DNAJC10: variants seen among roughly 807,000 people sequenced by gnomAD.
DNAJC10 encodes endoplasmic reticulum disulfide reductase DNAJC10.
A neutral mutation model predicts 115.0 loss-of-function variants in DNAJC10; 101 were observed. The observed-to-expected ratio is 0.88, with a 90% CI of 0.75 to 1.04. The LOEUF (loss-of-function observed/expected upper bound fraction) is 1.04, where lower values mean the gene tolerates loss of function less well. DNAJC10 is among the 50% of genes least tolerant of loss of function. The probability of loss-of-function intolerance (pLI) is 0.00; values close to 1 mark genes in which losing one functional copy is unlikely to be tolerated. For missense variants in DNAJC10, 981 were observed against 928.8 expected, an observed-to-expected ratio of 1.06 and a Z score of -0.73; for synonymous variants, 307 against 301.5, an observed-to-expected ratio of 1.02 and a Z score of -0.19.
intron 18 of DNAJC10, among the ~76,000 whole-genome samples, chr2:182,756,877 A>T (rs1694170955): frequency 6.6e-6 from 1 of 152,068 alleles, no homozygotes; most frequent in African/African-American, 2.4e-5. Flanking sequence ...GGCCTCAAGT[A>T]ATCTGCCCAC....
At chr2:182,736,049 A>G (rs767550402) in intron 10 of DNAJC10, among the ~76,000 whole-genome samples, 200 bp from the exon 11 acceptor site, 2 of 149,000 alleles carry the variant, frequency 1.3e-5, no homozygotes, top group Admixed American at 6.7e-5. Flanking sequence ...ACTAAGTACA[A>G]TTTTTTGCAC....
At chr2:182,764,636 C>T (rs1238475597) in intron 22 of DNAJC10, among the ~76,000 whole-genome samples, 1 of 152,056 alleles carries the variant, frequency 6.6e-6, no homozygotes, top group African/African-American at 2.4e-5. Context: ...TGATTCTGCT[C>T]TATGTTAGGA....
intron 14 of DNAJC10, among the ~76,000 whole-genome samples, chr2:182,750,846 T>A (rs1693997733): frequency 6.6e-6 from 1 of 152,194 alleles, no homozygotes; most frequent in Non-Finnish European, 1.5e-5. Context: ...AGCTCCATTA[T>A]AATCTTATGG....
intron 22 of DNAJC10, among the ~76,000 whole-genome samples, chr2:182,765,542 C>G (rs1004905026): frequency 5.3e-5 from 8 of 152,164 alleles, no homozygotes; most frequent in African/African-American, 1.9e-4. Flanking sequence ...ACTTAAGAAA[C>G]CGATTCCATG....
chr2:182,754,665 T>G lies in DNAJC10; in HGVS notation c.1552-338T>G, dbSNP rs534737401. ...AAAAAAAAGACTCAAGCTAGAGATA[T>G]AGCCTGTTGTTTATAGCCTCTTCTT... On this transcript the variant is annotated intron_variant, in intron 16 of 23. Coordinates refer to ENST00000264065, the MANE Select transcript of DNAJC10 (RefSeq NM_018981.4). 142 of 647,108 alleles carry G rather than the reference T, an allele frequency of 2.2e-4. No homozygotes were observed. The African/African-American group carries it at 2.7e-3, about 12-fold the overall frequency. The allele number at this position is 647,108 out of a possible 1,614,324, so 40.1% of individuals were successfully genotyped here.
At chr2:182,732,302 G>A (rs1295265360) in intron 9 of DNAJC10, among the ~76,000 whole-genome samples, 197 bp from the exon 10 acceptor site, 1 of 147,958 alleles carries the variant, frequency 6.8e-6, no homozygotes, top group Non-Finnish European at 1.5e-5. Context: ...GAAAGAGGGA[G>A]CGAGGGAGTG....
Position 182,743,673 on chromosome 2 carries a change from T to C in DNAJC10, c.1267T>C (p.Phe423Leu), listed in dbSNP as rs1267995873. The change falls in exon 14 of 24, where the codon TTT becomes CTT. Residue 423 changes from phenylalanine to leucine, a missense_variant. Physicochemically the swap from Phe to Leu is conservative, Grantham distance 22 (BLOSUM62 0). Transcript: ENST00000264065. ...TGTTTTTCAGCCGTCTCTAGCAGTA[T>C]TTAAAGGACAAGGAACCAAAGAATA... Reference protein sequence around the residue: ...LYVFQPSLAVFKGQGTKEYEI... With the variant: ...LYVFQPSLAVLKGQGTKEYEI... 2 of 1,613,058 alleles carry C rather than the reference T, an allele frequency of 1.2e-6. No individual in the cohort carries two copies. Among genetic ancestry groups the C allele is most frequent in the East Asian group, 4.5e-5 (2 of 44,824 alleles).
chr2:182,760,504 C>T (rs549092725), intron 21 of DNAJC10, among the ~76,000 whole-genome samples: 6 of 152,254 alleles, frequency 3.9e-5, no homozygotes, highest in African/African-American at 1.4e-4. Flanking sequence ...TTCCTGAGGG[C>T]AAAGTCCATG....
intron 5 of DNAJC10, among the ~76,000 whole-genome samples, chr2:182,728,366 G>T (rs961418494): frequency 2.0e-5 from 3 of 152,000 alleles, no homozygotes; most frequent in Non-Finnish European, 4.4e-5. Flanking sequence ...TTTGACATTT[G>T]AAATGTTTCT....
In DNAJC10 at chr2:182,793,577, G is replaced by A. The variant is rs1469962463; in HGVS notation, c.*16445G>A. 6.6e-6 allele frequency: 1 copy of A among 152,038 alleles called. No individual in the cohort carries two copies. The highest frequency in any genetic ancestry group is 1.5e-5 in the Non-Finnish European group (1 of 68,020). 9.4% of individuals were successfully genotyped at this position (152,038 alleles called of 1,614,324 possible). On this transcript the variant is annotated 3_prime_UTR_variant, in exon 24 of 24. Coordinates refer to ENST00000264065, the MANE Select transcript of DNAJC10 (RefSeq NM_018981.4). Reference sequence around the variant, plus strand: ...GAAATAGCTTGATTGGTTACAGATAGGCATTTGCCTTATTTGGACATGGTC... The same window carrying A: ...GAAATAGCTTGATTGGTTACAGATAAGCATTTGCCTTATTTGGACATGGTC...
intron 5 of DNAJC10, among the ~76,000 whole-genome samples, chr2:182,725,795 T>C (rs1378359228): frequency 1.3e-5 from 2 of 152,172 alleles, no homozygotes; most frequent in Non-Finnish European, 2.9e-5. Context: ...GCTAAGATCA[T>C]TGATGAAGGT....
chr2:182,740,751 G>T (rs1285446147), intron 12 of DNAJC10, among the ~76,000 whole-genome samples: 5 of 152,130 alleles, frequency 3.3e-5, no homozygotes, highest in Non-Finnish European at 7.4e-5. Flanking sequence ...TGGATAGAAT[G>T]CTGAGAAATA....
intron 9 of DNAJC10, 39 bp from the exon 10 acceptor site, chr2:182,732,460 T>TA (rs779279502): frequency 1.8e-5 from 29 of 1,608,486 alleles, no homozygotes; most frequent in Non-Finnish European, 2.2e-5. Context: ...TCAGGCTTAA[T>TA]AAAGGTAAAA....
intron 22 of DNAJC10, among the ~76,000 whole-genome samples, chr2:182,774,749 C>T (rs1330171463): frequency 2.6e-5 from 4 of 152,218 alleles, no homozygotes; most frequent in Non-Finnish European, 4.4e-5. Flanking sequence ...TTCAGGTAGT[C>T]TGTCACGGTT....
In DNAJC10 at chr2:182,718,083, G is replaced by T; in HGVS notation, c.-4G>T. The T allele has an allele frequency of 1.3e-6, 2 of 1,585,678 alleles. No individual in the cohort carries two copies. Among genetic ancestry groups the T allele is most frequent in the Admixed American group, 1.8e-5 (1 of 56,368 alleles). On this transcript the variant is annotated 5_prime_UTR_variant, in exon 3 of 24. Transcript: ENST00000264065. Reference sequence around the variant, plus strand: ...CTTAAATCAGAACTTGCATAAGAAAGAGAATGGGAGTCTGGTTAAATAAAG... The same window carrying T: ...CTTAAATCAGAACTTGCATAAGAAATAGAATGGGAGTCTGGTTAAATAAAG...
intron 14 of DNAJC10, among the ~76,000 whole-genome samples, chr2:182,748,391 A>G (rs1274116457): frequency 6.6e-6 from 1 of 152,184 alleles, no homozygotes; most frequent in Admixed American, 6.5e-5. Context: ...GCTATTGATT[A>G]TTGCCACAAT....
rs191829754 is a variant in DNAJC10, at chr2:182,729,939, C to G, written c.725C>G (p.Thr242Arg). Reference protein sequence around the residue: ...HVRSTVTELWTGNFVNSIQTA... With the variant: ...HVRSTVTELWRGNFVNSIQTA... ...AGAAGTACAGTGACAGAACTTTGGA[C>G]AGGTAATTTTATTTTCTTAATTTGC... Residue 242 changes from threonine (T) to arginine (R), a missense_variant and splice_region_variant, in exon 8 of 24, where the codon ACA becomes AGA. Physicochemically the swap from Thr to Arg is moderately conservative, Grantham distance 71. Coordinates refer to ENST00000264065, the MANE Select transcript of DNAJC10 (RefSeq NM_018981.4). The G allele has an allele frequency of 5.7e-6, 9 of 1,584,276 alleles. No homozygotes were observed. The highest frequency in any genetic ancestry group is 2.6e-6 in the Non-Finnish European group (3 of 1,163,202).
intron 15 of DNAJC10, 96 bp from the exon 16 acceptor site, chr2:182,751,976 A>G (rs1176214962): frequency 1.6e-6 from 2 of 1,219,884 alleles, no homozygotes; most frequent in Non-Finnish European, 2.4e-6. Context: ...CGCTAAGTAC[A>G]GTTTGTCTTA....
At chr2:182,739,624 AAAG>A in intron 11 of DNAJC10, 10 of 1,140,626 alleles carry the variant, frequency 8.8e-6, no homozygotes, top group Non-Finnish European at 1.1e-5. Flanking sequence ...ATTGACAAAT[AAAG>A]AAGATTTGTT....
Sources: allele counts gnomAD v4.1 joint callset (sites outside exome capture counted in the v4.1 genomes callset), GRCh38; gene constraint gnomAD v4.1.1; transcripts MANE v1.5; gene names NCBI Gene and HGNC (gene_info 2026-07-23, HGNC 2026-07-21).